CNOT1: variants seen among roughly 807,000 people sequenced by gnomAD.
CNOT1 encodes the protein CCR4-associated factor 1.
Under a neutral mutation model 273.8 loss-of-function variants are expected in CNOT1, and 15 were observed. That is an observed-to-expected ratio of 0.05 (90% CI 0.04 to 0.08). The LOEUF is 0.08. Ranked by LOEUF, CNOT1 falls within the 10% of genes least tolerant of loss-of-function variation. The probability of loss-of-function intolerance (pLI) is 1.00; values close to 1 mark genes in which losing one functional copy is unlikely to be tolerated. For synonymous variants in CNOT1, 1,022 were observed against 1,005.5 expected, an observed-to-expected ratio of 1.02 and a Z score of -0.31; for missense variants, 1,644 against 2,912.2, an observed-to-expected ratio of 0.56 and a Z score of 10.02.
At chr16:58,578,321 A>T (rs2041533411) in intron 13 of CNOT1, among the ~76,000 whole-genome samples, 1 of 151,898 alleles carries the variant, frequency 6.6e-6, no homozygotes, top group South Asian at 2.1e-4. Flanking sequence ...GTGCATGGTG[A>T]TGCACGCCTG....
chr16:58,628,614 A>C (rs186074759), intron 1 of CNOT1, among the ~76,000 whole-genome samples: 4 of 151,522 alleles, frequency 2.6e-5, no homozygotes, highest in Admixed American at 2.0e-4. Flanking sequence ...AAAAAAAAAA[A>C]CCCAAGTAGT....
At chr16:58,563,003 T>C (rs1172291783) in intron 16 of CNOT1, among the ~76,000 whole-genome samples, 1 of 152,164 alleles carries the variant, frequency 6.6e-6, no homozygotes, top group Non-Finnish European at 1.5e-5. Flanking sequence ...TAAGCCTATA[T>C]TACATTAAAT....
chr16:58,591,524 T>A (rs2042052253), intron 2 of CNOT1, among the ~76,000 whole-genome samples: 1 of 152,134 alleles, frequency 6.6e-6, no homozygotes, highest in East Asian at 1.9e-4. Flanking sequence ...GGGGCTGAAC[T>A]GGGCGGATCA....
At chr16:58,546,813 C>A (rs1028515362) in intron 27 of CNOT1, 64 bp from the exon 28 acceptor site, 9 of 1,593,898 alleles carry the variant, frequency 5.6e-6, no homozygotes, top group Admixed American at 1.7e-5. Flanking sequence ...TTATTTAAAA[C>A]AATTCAATAC....
intron 40 of CNOT1, chr16:58,532,637 A>C: frequency 1.8e-6 from 1 of 552,642 alleles, no homozygotes; most frequent in Middle Eastern, 5.1e-4. Flanking sequence ...TATTCTCCAC[A>C]AATGCCCAAT....
At chr16:58,541,656 T>C (rs2040097988) in intron 33 of CNOT1, 36 bp from the exon 34 acceptor site, 1 of 1,602,940 alleles carries the variant, frequency 6.2e-7, no homozygotes, top group African/African-American at 1.3e-5. Context: ...CAGAATTCAC[T>C]CAATAATCAA....
intron 17 of CNOT1, chr16:58,559,726 G>A (rs531955556): frequency 1.5e-5 from 7 of 459,004 alleles, no homozygotes; most frequent in African/African-American, 1.4e-4. Context: ...GCCATTCAAT[G>A]CATCTGAAAA....
chr16:58,535,010 GA>G (rs2039882292), intron 39 of CNOT1, among the ~76,000 whole-genome samples: 1 of 152,086 alleles, frequency 6.6e-6, no homozygotes, highest in African/African-American at 2.4e-5. Flanking sequence ...TAAAAGAAAG[GA>G]AAAATTAGAA....
intron 14 of CNOT1, 54 bp from the exon 15 acceptor site, chr16:58,575,183 C>T: frequency 6.3e-7 from 1 of 1,587,440 alleles, no homozygotes; most frequent in Non-Finnish European, 8.5e-7. Context: ...GTAACTATCT[C>T]TGTCCCATAT....
chr16:58,572,182 C>A (rs2151960041), intron 16 of CNOT1, among the ~76,000 whole-genome samples: 1 of 151,502 alleles, frequency 6.6e-6, no homozygotes, highest in African/African-American at 2.4e-5. Context: ...ACTTGGAAGG[C>A]TGAGGCAGGA....
At chr16:58,574,790 T>A (rs1567416326) in intron 15 of CNOT1, 30 bp from the exon 16 acceptor site, 1 of 1,581,600 alleles carries the variant, frequency 6.3e-7, no homozygotes, top group Non-Finnish European at 8.5e-7. Flanking sequence ...CTCAGTGTAT[T>A]TAAAATTGAT....
chr16:58,611,506 T>C (rs2042898101), intron 1 of CNOT1, among the ~76,000 whole-genome samples: 1 of 152,016 alleles, frequency 6.6e-6, no homozygotes, highest in Non-Finnish European at 1.5e-5. Flanking sequence ...TGTCAGGTTA[T>C]TCCTTGCTAA....
Position 58,538,859 on chromosome 16 carries a change from CGCA to C in CNOT1, c.5045_5047del (p.Leu1682del). The stretch of plus-strand genomic sequence containing the variant: ...GACCAAGAGGTGGCATTCCCTGTAG[CGCA>C]GCAGAAGGTCAGCATCAGCACCACT... On this transcript the variant is annotated inframe_deletion, in exon 36 of 49. Transcript: ENST00000317147. The C allele has an allele frequency of 6.2e-7, 1 of 1,610,514 alleles. No homozygotes were observed. Among genetic ancestry groups the C allele is most frequent in the Non-Finnish European group, 8.5e-7 (1 of 1,179,472 alleles).
chr16:58,558,539 G>C lies in CNOT1; in HGVS notation c.2266C>G (p.Pro756Ala). Residue 756 changes from proline to alanine, a missense_variant, in exon 18 of 49, where the codon CCC becomes GCC. Physicochemically the swap from Pro to Ala is conservative, Grantham distance 27. Around this residue, in one of 13 missense-constraint regions of CNOT1, gnomAD observed 706 missense variants for 1,021.2 expected, o/e 0.69. Transcript: ENST00000317147. The stretch of plus-strand genomic sequence containing the variant: ...GTGGTCTGATTGGGGGTTGAAAGGG[G>C]TGGAAATGCTTTTGCTGGTGACTGA... ...TPQSPAKAFPPLSTPNQTTAF... is the reference protein window; with the variant it reads ...TPQSPAKAFPALSTPNQTTAF... 1 of 1,613,748 alleles carries C rather than the reference G, an allele frequency of 6.2e-7. No individual in the cohort carries two copies. The highest frequency in any genetic ancestry group is 8.5e-7 in the Non-Finnish European group (1 of 1,179,876).
intron 34 of CNOT1, among the ~76,000 whole-genome samples, chr16:58,541,158 TCG>T (rs1181778828): frequency 6.6e-6 from 1 of 152,082 alleles, no homozygotes; most frequent in African/African-American, 2.4e-5. Flanking sequence ...TGAGCTGAGA[TCG>T]CGCCACTGCA....
At chr16:58,545,282 G>C in intron 30 of CNOT1, 79 bp downstream of exon 30, 7 of 1,574,876 alleles carry the variant, frequency 4.4e-6, no homozygotes, top group South Asian at 2.4e-5. Context: ...GAAGGGCAAA[G>C]AGCTGAAGAA....
chr16:58,558,388 G>A, intron 18 of CNOT1, 85 bp downstream of exon 18: 1 of 1,574,350 alleles, frequency 6.4e-7, no homozygotes. Flanking sequence ...CCTTATCACA[G>A]TGACTCCAAA....
At chr16:58,558,745 TAAC>T in intron 17 of CNOT1, 71 bp from the exon 18 acceptor site, 1 of 1,545,424 alleles carries the variant, frequency 6.5e-7, no homozygotes, top group Non-Finnish European at 8.7e-7. Context: ...AAGCAATCTT[TAAC>T]AACAGCTCTT....
Position 58,538,913 on chromosome 16 carries a change from G to A in CNOT1, c.4994C>T (p.Ala1665Val). ...TGTGGCATCTAGTAAGCCCTCTACA[G>A]CCTATGGGAGAAAGAAAGCGTTCAA... Reference protein sequence around the residue: ...AIAALGLLQKAVEGLLDATSG... With the variant: ...AIAALGLLQKVVEGLLDATSG... The change falls in exon 36 of 49, where the codon GCT becomes GTT. Residue 1665 changes from alanine to valine, a missense_variant and splice_region_variant. By Grantham distance (64) the Ala-to-Val change is moderately conservative. Transcript: ENST00000317147. 6.2e-7 allele frequency: 1 copy of A among 1,608,726 alleles called. No individual in the cohort carries two copies. The highest frequency in any genetic ancestry group is 8.5e-7 in the Non-Finnish European group (1 of 1,178,734).
Sources: gnomAD v4.1 joint callset for allele counts (sites outside exome capture counted in the v4.1 genomes callset) on GRCh38, gnomAD v4.1.1 for gene constraint, gnomAD v4.1.1 regional missense constraint, MANE v1.5 for transcripts, NCBI Gene and HGNC (gene_info 2026-07-23, HGNC 2026-07-21) for gene names.